NCLN: variants seen among roughly 807,000 people sequenced by gnomAD.
The protein encoded by NCLN is BOS complex subunit NCLN.
NCLN carries 34 observed loss-of-function variants against 69.5 expected under a neutral mutation model. The ratio of observed to expected loss-of-function variants is 0.49; its 90% CI spans 0.37 to 0.65. NCLN has a LOEUF of 0.65. Among genes scored for constraint, NCLN ranks in the 30% least tolerant of loss-of-function variants. NCLN has a pLI of 0.00. For synonymous variants in NCLN, 393 were observed against 358.3 expected (o/e 1.10, Z -1.09); for missense variants, 710 against 804.8 (o/e 0.88, Z 1.42).
chr19:3,198,644 C>T (rs951350125), intron 4 of NCLN, among the ~76,000 whole-genome samples, 173 bp from the exon 5 acceptor site: 1 of 152,168 alleles, frequency 6.6e-6, no homozygotes, highest in Non-Finnish European at 1.5e-5. Flanking sequence ...GAGGAGCTCC[C>T]TGGGGCTCCC....
At chr19:3,190,174 C>T (rs923505978) in intron 1 of NCLN, among the ~76,000 whole-genome samples, 1 of 152,134 alleles carries the variant, frequency 6.6e-6, no homozygotes, top group Non-Finnish European at 1.5e-5. Context: ...GCAGGAGCCC[C>T]AAGGACTCCC....
At position 3,185,987 on chromosome 19, in the gene NCLN, T is replaced by C. The variant is rs927117714; in HGVS notation, c.-44T>C. On this transcript the variant is annotated 5_prime_UTR_variant, in exon 1 of 15. Transcript: ENST00000246117. ...TCCGCGGGAGCCGCCGCCGCCGCCG[T>C]CCCGTCCCAGCTGCCGCCCCGCGCG... 2.8e-6 allele frequency: 4 copies of C among 1,427,072 alleles called. No individual in the cohort carries two copies. In the African/African-American group the frequency reaches 4.5e-5, roughly 16 times the overall value. The allele number at this position is 1,427,072 out of a possible 1,614,324, so 88.4% of individuals were successfully genotyped here.
chr19:3,204,794 T>G lies in NCLN; in HGVS notation c.1208+43T>G, dbSNP rs750573000. On this transcript the variant is annotated intron_variant, in intron 9 of 14. Transcript: ENST00000246117. ...TGCCCGGCCCCTCCTAGGGCTTTCCTGGGGGCTGAGCCACTGGTCGCAACT... is the reference window on the plus strand; with the variant it reads ...TGCCCGGCCCCTCCTAGGGCTTTCCGGGGGGCTGAGCCACTGGTCGCAACT... 4.2e-5 allele frequency: 58 copies of G among 1,393,198 alleles called. No homozygotes were observed. In the African/African-American group the frequency reaches 5.1e-4, roughly 12 times the overall value. 86.3% of individuals were successfully genotyped at this position (1,393,198 alleles called of 1,614,324 possible).
intron 4 of NCLN, among the ~76,000 whole-genome samples, 189 bp from the exon 5 acceptor site, chr19:3,198,628 T>TC (rs1043317086): frequency 2.0e-4 from 30 of 151,678 alleles, no homozygotes; most frequent in African/African-American, 7.0e-4. Flanking sequence ...CTCTACCTCC[T>TC]CCCTGGAGGA....
Position 3,208,025 on chromosome 19 carries a change from G to A in NCLN, c.*337G>A, listed in dbSNP as rs1309875138. On this transcript the variant is annotated 3_prime_UTR_variant, in exon 15 of 15. Coordinates refer to ENST00000246117, the MANE Select transcript of NCLN (RefSeq NM_020170.4). ...ACACATGCACGATTAAAGAGGAGAC[G>A]CCGGGACCCCCTGCCCGATCGCGCG... 9.7e-6 allele frequency: 3 copies of A among 307,830 alleles called. No homozygotes were observed. Among genetic ancestry groups the A allele is most frequent in the East Asian group, 7.1e-5 (1 of 14,000 alleles). The allele number at this position is 307,830 out of a possible 1,614,324, so 19.1% of individuals were successfully genotyped here. A position where few individuals can be genotyped will look rare whatever the true frequency, so the allele number is the denominator to read the frequency against.
At position 3,193,422 on chromosome 19, in the gene NCLN, G is replaced by T; in HGVS notation, c.514G>T (p.Ala172Ser). Residue 172 changes from alanine (A) to serine (S), a missense_variant, in exon 3 of 15, where the codon GCT becomes TCT. Physicochemically the swap from Ala to Ser is moderately conservative, Grantham distance 99. Coordinates refer to ENST00000246117, the MANE Select transcript of NCLN (RefSeq NM_020170.4). The stretch of plus-strand genomic sequence containing the variant: ...CGCCTCCCAGGGCTCCGCCTCTGCT[G>T]CTGAAGGTGTGCTCTGGGCTGCAGG... ...ASASQGSASA[A>S]EVLLRTATAN... 1 of 1,603,530 alleles carries T rather than the reference G, an allele frequency of 6.2e-7. No individual in the cohort carries two copies.
Position 3,204,136 on chromosome 19 carries a change from C to T in NCLN, c.1021C>T (p.Leu341=). ...GTLQHAFLRE[L]ETVAAHQFPE... is the part of the protein sequence containing the mutation. ...CCTGCAGCACGCCTTCCTGCGGGAG[C>T]TGGAGACGGTGGGTGCCCCTTTCAT... Residue 341 remains leucine, a synonymous_variant, in exon 8 of 15, where the codon CTG becomes TTG. Coordinates refer to ENST00000246117, the MANE Select transcript of NCLN (RefSeq NM_020170.4). 1 of 1,511,992 alleles carries T rather than the reference C, an allele frequency of 6.6e-7. No homozygotes were observed. The allele number at this position is 1,511,992 out of a possible 1,614,324, so 93.7% of individuals were successfully genotyped here. A position where few individuals can be genotyped will look rare whatever the true frequency, so the allele number is the denominator to read the frequency against.
chr19:3,195,221 T>C (rs1334964009), intron 3 of NCLN, among the ~76,000 whole-genome samples: 2 of 151,632 alleles, frequency 1.3e-5, no homozygotes, highest in Non-Finnish European at 2.9e-5. Flanking sequence ...AGGAGCATGC[T>C]TCCCCCAGTG....
Position 3,207,609 on chromosome 19 carries a change from C to T in NCLN, c.1633-20C>T, listed in dbSNP as rs751968616. 3 of 1,612,424 alleles carry T rather than the reference C, an allele frequency of 1.9e-6. No individual in the cohort carries two copies. The highest frequency in any genetic ancestry group is 2.2e-5 in the East Asian group (1 of 44,840). On this transcript the variant is annotated intron_variant, in intron 14 of 14. Transcript: ENST00000246117. ...CTCTGGCCCCGCCCACATCCTCACT[C>T]CCTCCTGCTGTGTCCCCAGCACTTC...
chr19:3,198,923 C>G, intron 5 of NCLN, 26 bp downstream of exon 5: 2 of 1,412,358 alleles, frequency 1.4e-6, no homozygotes, highest in South Asian at 3.0e-5. Context: ...CCCATTCCCC[C>G]CACCCCACAG....
Position 3,186,002 on chromosome 19 carries a change from CGCCCCGCGCG to C in NCLN, c.-21_-12del. 2 of 1,497,162 alleles carry C rather than the reference CGCCCCGCGCG, an allele frequency of 1.3e-6. No homozygotes were observed. The highest frequency in any genetic ancestry group is 1.8e-6 in the Non-Finnish European group (2 of 1,126,082). 92.7% of individuals were successfully genotyped at this position (1,497,162 alleles called of 1,614,324 possible). On this transcript the variant is annotated 5_prime_UTR_variant, in exon 1 of 15. Coordinates refer to ENST00000246117, the MANE Select transcript of NCLN (RefSeq NM_020170.4). The stretch of plus-strand genomic sequence containing the variant: ...GCCGCCGCCGTCCCGTCCCAGCTGC[CGCCCCGCGCG>C]GCCCCGCCGCCGGCCAGGATGCTGG...
chr19:3,201,742 C>A, intron 6 of NCLN, 116 bp downstream of exon 6: 1 of 864,074 alleles, frequency 1.2e-6, no homozygotes, highest in Non-Finnish European at 1.7e-6. Context: ...CAAAGTGGGC[C>A]TGAGCCCAGG....
chr19:3,205,805 A>C lies in NCLN; in HGVS notation c.1209-134A>C. ...ACATGTTAGCCAAGTAGTTAAAGCT[A>C]AGCTTAATTTTTTTTTTTTTTTAAA... On this transcript the variant is annotated intron_variant, in intron 9 of 14. Coordinates refer to ENST00000246117, the MANE Select transcript of NCLN (RefSeq NM_020170.4). The surrounding 1 kb of genome is among the most constrained non-coding windows in gnomAD (Gnocchi z 4.6). 8 of 822,792 alleles carry C rather than the reference A, an allele frequency of 9.7e-6. No individual in the cohort carries two copies. Among genetic ancestry groups the C allele is most frequent in the Admixed American group, 2.3e-5 (1 of 43,084 alleles). The allele number at this position is 822,792 out of a possible 1,614,324, so 51.0% of individuals were successfully genotyped here.
Position 3,196,170 on chromosome 19 carries a change from T to C in NCLN, c.521-13T>C, listed in dbSNP as rs1915948674. 6.5e-7 allele frequency: 1 copy of C among 1,531,888 alleles called. No homozygotes were observed. Among genetic ancestry groups the C allele is most frequent in the Non-Finnish European group, 8.8e-7 (1 of 1,132,748 alleles). 94.9% of individuals were successfully genotyped at this position (1,531,888 alleles called of 1,614,324 possible). A position where few individuals can be genotyped will look rare whatever the true frequency, so the allele number is the denominator to read the frequency against. ...GCTGGGCCAAGGCTGATGCGCCCTC[T>C]CCCTCTCCCTAGTACTGCTGCGCAC... On this transcript the variant is annotated splice_polypyrimidine_tract_variant and intron_variant, in intron 3 of 14. Coordinates refer to ENST00000246117, the MANE Select transcript of NCLN (RefSeq NM_020170.4).
intron 3 of NCLN, among the ~76,000 whole-genome samples, chr19:3,194,909 C>T (rs1344853528): frequency 1.3e-5 from 2 of 151,788 alleles, no homozygotes; most frequent in Non-Finnish European, 1.5e-5. Flanking sequence ...CAAGGTGGCT[C>T]ACGCCTGTTG....
intron 3 of NCLN, among the ~76,000 whole-genome samples, chr19:3,194,744 C>CTTT (rs745406038): frequency 0.011 from 1,506 of 136,416 alleles, 20 homozygotes; most frequent in Non-Finnish European, 0.018. Flanking sequence ...GAGTCGTCTT[C>CTTT]TTTTTTTTTT....
intron 6 of NCLN, among the ~76,000 whole-genome samples, chr19:3,202,076 G>A (rs373836982): frequency 6.6e-6 from 1 of 152,256 alleles, no homozygotes; most frequent in East Asian, 1.9e-4. Context: ...CCCACTGTCC[G>A]CTGGGGGCAG....
Position 3,207,752 on chromosome 19 carries a change from G to A in NCLN, c.*64G>A, listed in dbSNP as rs1183251485. 6.9e-7 allele frequency: 1 copy of A among 1,451,050 alleles called. No individual in the cohort carries two copies. The highest frequency in any genetic ancestry group is 9.6e-7 in the Non-Finnish European group (1 of 1,036,984). 89.9% of individuals were successfully genotyped at this position (1,451,050 alleles called of 1,614,324 possible). ...AGTCCCTGGGGCCGAGCACGAGTGA[G>A]TGGACACTGCCCCGCCGCGGGCGGC... is the stretch of plus-strand genomic sequence containing the variant. On this transcript the variant is annotated 3_prime_UTR_variant, in exon 15 of 15. Transcript: ENST00000246117.
chr19:3,192,220 A>G (rs541504278), intron 1 of NCLN, among the ~76,000 whole-genome samples: 1 of 152,294 alleles, frequency 6.6e-6, no homozygotes, highest in East Asian at 1.9e-4. Context: ...GATTCTCAGG[A>G]GGTCTGAGAC....
Sources: gnomAD v4.1 joint callset for allele counts (sites outside exome capture counted in the v4.1 genomes callset) on GRCh38, gnomAD v4.1.1 for gene constraint, Gnocchi (gnomAD v3.1) non-coding constraint, MANE v1.5 for transcripts, NCBI Gene and HGNC (gene_info 2026-07-23, HGNC 2026-07-21) for gene names.